POGLUT1: variants seen among roughly 807,000 people sequenced by gnomAD.
The protein encoded by POGLUT1 is 9630046K23Rik.
POGLUT1 carries 32 observed loss-of-function variants against 61.3 expected under a neutral mutation model. The observed-to-expected ratio is 0.52, with a 90% CI of 0.39 to 0.70. The LOEUF (loss-of-function observed/expected upper bound fraction) is 0.70, where lower values mean the gene tolerates loss of function less well. Ranked by LOEUF, POGLUT1 falls within the 30% of genes least tolerant of loss-of-function variation. The probability of loss-of-function intolerance (pLI) is 0.00; values close to 1 mark genes in which losing one functional copy is unlikely to be tolerated. For missense variants in POGLUT1, 411 were observed against 469.8 expected (o/e 0.87, Z 1.16); for synonymous variants, 158 against 158.2 (o/e 1.00, Z 0.01).
chr3:119,487,908 CTT>C (rs1472073093), intron 7 of POGLUT1: 1 of 152,150 alleles, frequency 6.6e-6, no homozygotes, highest in Non-Finnish European at 1.5e-5. Context: ...TTGTTTAAAA[CTT>C]TTCAAGTGAT....
At chr3:119,475,976 A>G in intron 3 of POGLUT1, among the ~76,000 whole-genome samples, 1 of 121,300 alleles carries the variant, frequency 8.2e-6, no homozygotes, top group East Asian at 3.1e-4. Context: ...ACACACACAC[A>G]CACACACACA....
chr3:119,492,119 T>C (rs2081756501), intron 10 of POGLUT1, among the ~76,000 whole-genome samples, 163 bp from the exon 11 acceptor site: 1 of 152,218 alleles, frequency 6.6e-6, no homozygotes, highest in Non-Finnish European at 1.5e-5. Context: ...GCTACATGCA[T>C]GTATGTGGAT....
At chr3:119,487,305 C>T (rs558415285) in intron 7 of POGLUT1, among the ~76,000 whole-genome samples, 15 of 152,212 alleles carry the variant, frequency 9.9e-5, no homozygotes, top group African/African-American at 3.1e-4. Flanking sequence ...AACTTTATTA[C>T]GGCCAGGCAT....
rs533485488 is a variant in POGLUT1 at position 119,471,119 on chromosome 3, AT to A, written c.177-188del. ...GACATTGACCCGCTTTTTACTTTTTATTGCTTTATTGCATTTGATGTTTCAG... is the reference window on the plus strand; with the variant it reads ...GACATTGACCCGCTTTTTACTTTTTATGCTTTATTGCATTTGATGTTTCAG... On this transcript the variant is annotated intron_variant, in intron 2 of 10. Transcript: ENST00000295588. Among the ~76,000 whole-genome samples the A allele has an allele frequency of 1.4e-4, 21 of 152,312 alleles. 1 individual carries two copies. The South Asian group carries it at 4.1e-3, about 30-fold the overall frequency.
chr3:119,487,501 C>T (rs1486702891), intron 7 of POGLUT1, among the ~76,000 whole-genome samples: 5 of 152,038 alleles, frequency 3.3e-5, no homozygotes, highest in Non-Finnish European at 7.4e-5. Context: ...GCAGGAGAAT[C>T]GCTTGAACCT....
At chr3:119,487,825 A>G (rs1255701946) in intron 7 of POGLUT1, among the ~76,000 whole-genome samples, 1 of 152,162 alleles carries the variant, frequency 6.6e-6, no homozygotes, top group Non-Finnish European at 1.5e-5. Flanking sequence ...TGGCTGTGCA[A>G]TACAACCAGA....
rs1460153657 is a variant in POGLUT1 at position 119,473,345 on chromosome 3, AAT to A, written c.320+1894_320+1895del. Among the ~76,000 whole-genome samples, 96 of 152,136 alleles carry A rather than the reference AAT, an allele frequency of 6.3e-4. 1 individual carries two copies. Among genetic ancestry groups the A allele is most frequent in the Admixed American group, 6.1e-3 (93 of 15,276 alleles). The stretch of plus-strand genomic sequence containing the variant: ...AGTTTGCTGAACAATTGCCAAATGA[AAT>A]GAAATGCTTTCAAAGTTTCTGAAAG... On this transcript the variant is annotated intron_variant, in intron 3 of 10. Transcript: ENST00000295588.
At chr3:119,479,937 T>C (rs1466798106) in intron 4 of POGLUT1, 114 bp from the exon 5 acceptor site, 86 of 1,566,076 alleles carry the variant, frequency 5.5e-5, no homozygotes, top group Non-Finnish European at 7.2e-5. Context: ...GGAAAATATA[T>C]CTTTGACAAT....
chr3:119,493,058 A>G lies in POGLUT1; in HGVS notation c.*620A>G, dbSNP rs1455305934. On this transcript the variant is annotated 3_prime_UTR_variant, in exon 11 of 11. Coordinates refer to ENST00000295588, the MANE Select transcript of POGLUT1 (RefSeq NM_152305.3). Reference sequence around the variant, plus strand: ...GGTTTCTATAATGCCACATAGAAAGAGGCCAATTGCATGAGTAATTATTGC... The same window carrying G: ...GGTTTCTATAATGCCACATAGAAAGGGGCCAATTGCATGAGTAATTATTGC... 3 of 152,016 alleles carry G rather than the reference A, an allele frequency of 2.0e-5. No homozygotes were observed. Among genetic ancestry groups the G allele is most frequent in the Non-Finnish European group, 2.9e-5 (2 of 67,972 alleles). The allele number at this position is 152,016 out of a possible 1,614,324, so 9.4% of individuals were successfully genotyped here.
At chr3:119,483,225 A>G (rs2081626826) in intron 5 of POGLUT1, among the ~76,000 whole-genome samples, 1 of 152,244 alleles carries the variant, frequency 6.6e-6, no homozygotes, top group Admixed American at 6.5e-5. Context: ...GTGTACAAGG[A>G]TGTTTACTAC....
chr3:119,492,462 TC>T lies in POGLUT1; in HGVS notation c.*25del, dbSNP rs1474913606. 2 of 1,480,388 alleles carry T rather than the reference TC, an allele frequency of 1.4e-6. No homozygotes were observed. The highest frequency in any genetic ancestry group is 2.8e-5 in the African/African-American group (2 of 70,652). 91.7% of individuals were successfully genotyped at this position (1,480,388 alleles called of 1,614,324 possible). A position where few individuals can be genotyped will look rare whatever the true frequency, so the allele number is the denominator to read the frequency against. On this transcript the variant is annotated 3_prime_UTR_variant, in exon 11 of 11. Transcript: ENST00000295588. ...AGTAGTCATCATAGGACCATAGTCC[TC>T]TTTGTGGCAACAGATCTCAGATATC... is the stretch of plus-strand genomic sequence containing the variant.
chr3:119,492,492 C>T lies in POGLUT1; in HGVS notation c.*54C>T, dbSNP rs146897943. The T allele has an allele frequency of 7.8e-5, 95 of 1,215,330 alleles. No homozygotes were observed. Among genetic ancestry groups the T allele is most frequent in the Non-Finnish European group, 9.4e-5 (82 of 876,184 alleles). 75.3% of individuals were successfully genotyped at this position (1,215,330 alleles called of 1,614,324 possible). A position where few individuals can be genotyped will look rare whatever the true frequency, so the allele number is the denominator to read the frequency against. ...GTGGCAACAGATCTCAGATATCCTA[C>T]GGTGAGAAGCTTACCATAAGCTTGG... On this transcript the variant is annotated 3_prime_UTR_variant, in exon 11 of 11. Coordinates refer to ENST00000295588, the MANE Select transcript of POGLUT1 (RefSeq NM_152305.3).
chr3:119,492,276 C>T lies in POGLUT1; in HGVS notation c.1023-6C>T, dbSNP rs577684654. 1 of 1,591,534 alleles carries T rather than the reference C, an allele frequency of 6.3e-7. No homozygotes were observed. Among genetic ancestry groups the T allele is most frequent in the Admixed American group, 1.8e-5 (1 of 56,254 alleles). On this transcript the variant is annotated splice_region_variant and splice_polypyrimidine_tract_variant and intron_variant, in intron 10 of 10. Transcript: ENST00000295588. ...TTAACATTTTCTTGTTAAATCTTGT[C>T]TCTAGGGGAAGCCAGTTTATTAGGA...
chr3:119,483,217 G>A (rs1053050714), intron 5 of POGLUT1, among the ~76,000 whole-genome samples: 1 of 152,180 alleles, frequency 6.6e-6, no homozygotes, highest in Non-Finnish European at 1.5e-5. Context: ...AAAGATTTGT[G>A]TACAAGGATG....
At chr3:119,491,622 C>G in intron 10 of POGLUT1, 48 bp downstream of exon 10, 1 of 962,824 alleles carries the variant, frequency 1.0e-6, no homozygotes, top group African/African-American at 1.7e-5. Flanking sequence ...TTGTCATCCC[C>G]ATTATGCCCT....
At chr3:119,475,453 G>T (rs745652566) in intron 3 of POGLUT1, among the ~76,000 whole-genome samples, 1 of 152,214 alleles carries the variant, frequency 6.6e-6, no homozygotes, top group Non-Finnish European at 1.5e-5. Context: ...GAACACTCAT[G>T]TAAATATATA....
intron 9 of POGLUT1, 41 bp from the exon 10 acceptor site, chr3:119,491,477 G>A (rs774827123): frequency 1.6e-5 from 15 of 938,962 alleles, no homozygotes; most frequent in Non-Finnish European, 2.3e-5. Context: ...TGCCAATGAA[G>A]TTGGTCTATA....
chr3:119,469,523 C>A (rs1276026925), intron 1 of POGLUT1, among the ~76,000 whole-genome samples: 4 of 152,170 alleles, frequency 2.6e-5, no homozygotes, highest in Non-Finnish European at 4.4e-5. Flanking sequence ...TTGTGGAGTT[C>A]AATTTGATTA....
At chr3:119,477,510 A>T (rs750182071) in intron 4 of POGLUT1, 62 bp downstream of exon 4, 2 of 1,514,998 alleles carry the variant, frequency 1.3e-6, no homozygotes, top group Non-Finnish European at 9.1e-7. Flanking sequence ...TGAGCATGAG[A>T]TCTTTGTCCG....
Sources: allele counts gnomAD v4.1 joint callset (sites outside exome capture counted in the v4.1 genomes callset), GRCh38; gene constraint gnomAD v4.1.1; transcripts MANE v1.5; gene names NCBI Gene and HGNC (gene_info 2026-07-23, HGNC 2026-07-21).